TMEM135: variants seen among roughly 807,000 people sequenced by gnomAD.
TMEM135 encodes the protein peroxisomal membrane protein 52.
A neutral mutation model predicts 60.3 loss-of-function variants in TMEM135; 30 were observed. The observed-to-expected ratio is 0.50, with a 90% CI of 0.37 to 0.68. TMEM135 has a LOEUF of 0.68. TMEM135 is among the 30% of genes least tolerant of loss of function. The pLI is 0.00. For missense variants in TMEM135, 468 were observed against 548.8 expected (o/e 0.85, Z 1.47); for synonymous variants, 190 against 186.7 (o/e 1.02, Z -0.14).
chr11:87,056,051 TA>T (rs1949891588), intron 1 of TMEM135, among the ~76,000 whole-genome samples: 2 of 152,232 alleles, frequency 1.3e-5, no homozygotes, highest in South Asian at 2.1e-4. Flanking sequence ...TGCTTGTATA[TA>T]GGGGGAGGTG....
At chr11:87,287,505 C>T (rs576847612) in intron 6 of TMEM135, among the ~76,000 whole-genome samples, 14 of 152,020 alleles carry the variant, frequency 9.2e-5, no homozygotes, top group East Asian at 1.9e-4. Context: ...GGTGAAACCC[C>T]GTCTCTACTA....
chr11:87,092,847 CT>C (rs549596979), intron 4 of TMEM135, among the ~76,000 whole-genome samples: 1 of 41,564 alleles, frequency 2.4e-5, no homozygotes, highest in Admixed American at 2.8e-4. Context: ...GGTAATCTCT[CT>C]TTTTTTCTCA....
At chr11:87,070,244 A>T (rs1435866296) in intron 2 of TMEM135, among the ~76,000 whole-genome samples, 1 of 152,164 alleles carries the variant, frequency 6.6e-6, no homozygotes, top group Non-Finnish European at 1.5e-5. Flanking sequence ...TTAGCAATTT[A>T]CCAACTTTGT....
chr11:87,227,473 A>G, intron 5 of TMEM135, among the ~76,000 whole-genome samples: 1 of 152,060 alleles, frequency 6.6e-6, no homozygotes, highest in East Asian at 1.9e-4. Flanking sequence ...TAAGATTTTT[A>G]TACTTTCCCT....
chr11:87,082,112 A>G (rs967317538), intron 3 of TMEM135, among the ~76,000 whole-genome samples: 1 of 152,122 alleles, frequency 6.6e-6, no homozygotes, highest in African/African-American at 2.4e-5. Context: ...TTTGTTTTTT[A>G]GTGTTGTTCA....
At chr11:87,184,427 C>T (rs572666781) in intron 5 of TMEM135, among the ~76,000 whole-genome samples, 11 of 152,146 alleles carry the variant, frequency 7.2e-5, no homozygotes, top group African/African-American at 2.2e-4. Flanking sequence ...AAGAAAATGG[C>T]CTTTGGGTAA....
At chr11:87,091,138 A>C (rs930242644) in intron 3 of TMEM135, among the ~76,000 whole-genome samples, 2 of 152,078 alleles carry the variant, frequency 1.3e-5, no homozygotes, top group Admixed American at 6.6e-5. Flanking sequence ...ACTTCTAAGA[A>C]TATTTAATGA....
intron 4 of TMEM135, among the ~76,000 whole-genome samples, chr11:87,144,598 T>C (rs963154895): frequency 6.6e-6 from 1 of 152,164 alleles, no homozygotes; most frequent in Non-Finnish European, 1.5e-5. Context: ...CAAGTGTCAA[T>C]TTTTCATTTG....
intron 5 of TMEM135, among the ~76,000 whole-genome samples, chr11:87,173,785 C>A (rs1172498512): frequency 6.6e-6 from 1 of 152,102 alleles, no homozygotes; most frequent in Non-Finnish European, 1.5e-5. Context: ...TTTTGATCCA[C>A]AGCTATACTA....
At chr11:87,145,381 C>T (rs1938385856) in intron 4 of TMEM135, among the ~76,000 whole-genome samples, 1 of 152,156 alleles carries the variant, frequency 6.6e-6, no homozygotes, top group Non-Finnish European at 1.5e-5. Flanking sequence ...ATAGTTGCTG[C>T]AGTGAACATA....
chr11:87,179,495 G>C (rs2135300952), intron 5 of TMEM135, among the ~76,000 whole-genome samples: 1 of 151,974 alleles, frequency 6.6e-6, no homozygotes, highest in Admixed American at 6.6e-5. Flanking sequence ...TTTTCATTTA[G>C]GTCTGTGATC....
rs188165506 is a variant in TMEM135, at chr11:87,107,883, G to A, written c.396+16488G>A. Among the ~76,000 whole-genome samples, 813 of 152,254 alleles carry A rather than the reference G, an allele frequency of 5.3e-3. 4 individuals are homozygous for A. Among genetic ancestry groups the A allele is most frequent in the African/African-American group, 0.019 (782 of 41,540 alleles). On this transcript the variant is annotated intron_variant, in intron 4 of 14. Coordinates refer to ENST00000305494, the MANE Select transcript of TMEM135 (RefSeq NM_022918.4). ...ACTAGTTTACAGTCCCACCAACAGT[G>A]TAAAAGTGTTCCTATTTCTCCACAT...
In TMEM135 at chr11:87,326,200, C is replaced by T. The variant is rs1214303269; in HGVS notation, c.*4867C>T. 1.1e-5 allele frequency: 5 copies of T among 453,626 alleles called. No homozygotes were observed. Among genetic ancestry groups the T allele is most frequent in the South Asian group, 6.2e-5 (4 of 64,458 alleles). The allele number at this position is 453,626 out of a possible 1,614,324, so 28.1% of individuals were successfully genotyped here. A position where few individuals can be genotyped will look rare whatever the true frequency, so the allele number is the denominator to read the frequency against. ...GTCAGACCGTGGATAATAGGATGTT[C>T]CCTGGTCTTGGCATAGAGGCCATAG... On this transcript the variant is annotated 3_prime_UTR_variant, in exon 15 of 15. Coordinates refer to ENST00000305494, the MANE Select transcript of TMEM135 (RefSeq NM_022918.4).
intron 6 of TMEM135, among the ~76,000 whole-genome samples, chr11:87,242,625 G>T (rs9735396): frequency 0.62 from 69,749 of 112,918 alleles, 22,817 homozygotes; most frequent in Middle Eastern, 0.68. Context: ...TTTTTTCATG[G>T]GTCTTTTGGC....
chr11:87,072,687 T>C (rs1442575879), intron 3 of TMEM135, among the ~76,000 whole-genome samples: 1 of 152,110 alleles, frequency 6.6e-6, no homozygotes, highest in Non-Finnish European at 1.5e-5. Flanking sequence ...GGCCCAATTA[T>C]TTTTAAGACA....
intron 6 of TMEM135, among the ~76,000 whole-genome samples, chr11:87,245,619 C>G (rs1179332267): frequency 7.2e-6 from 1 of 138,594 alleles, no homozygotes; most frequent in Admixed American, 7.1e-5. Context: ...CCTTCTTTGT[C>G]TCTTTTGATT....
chr11:87,155,770 C>T (rs1205751314), intron 4 of TMEM135, among the ~76,000 whole-genome samples: 1 of 152,150 alleles, frequency 6.6e-6, no homozygotes, highest in Middle Eastern at 3.2e-3. Context: ...GATTTGGTTC[C>T]TCTTTGGGGA....
At chr11:87,040,662 C>CA (rs199617777) in intron 1 of TMEM135, among the ~76,000 whole-genome samples, 34,966 of 114,770 alleles carry the variant, frequency 0.3, 4,506 homozygotes, top group African/African-American at 0.41. Context: ...AACTCCATCA[C>CA]AAAAAAAAAA....
At chr11:87,044,849 G>A (rs965372179) in intron 1 of TMEM135, among the ~76,000 whole-genome samples, 13 of 151,148 alleles carry the variant, frequency 8.6e-5, no homozygotes, top group African/African-American at 2.4e-4. Context: ...GGGTTTCACC[G>A]TATTGGCCAG....
Sources: gnomAD v4.1 joint callset for allele counts (sites outside exome capture counted in the v4.1 genomes callset) on GRCh38, gnomAD v4.1.1 for gene constraint, MANE v1.5 for transcripts, NCBI Gene and HGNC (gene_info 2026-07-23, HGNC 2026-07-21) for gene names.